The following KLF12 variants were observed in gnomAD, a reference collection of about 807,000 sequenced individuals.
KLF12 encodes Krueppel-like factor 12.
In KLF12, 9 loss-of-function variants were observed where a neutral mutation model predicts 37.8. That is an observed-to-expected ratio of 0.24 (90% confidence interval 0.14 to 0.42). The LOEUF is 0.42. KLF12 is among the 10% of genes least tolerant of loss of function. The pLI is 1.00. For missense variants in KLF12, 411 were observed against 516.0 expected (o/e 0.80, Z 1.97); for synonymous variants, 208 against 202.1 (o/e 1.03, Z -0.25).
At chr13:74,150,140 A>G in the KLF12 span, among the ~76,000 whole-genome samples, 3 of 150,348 alleles carry the variant, frequency 2.0e-5, no homozygotes, top group Admixed American at 6.6e-5. Context: ...TTTTTTTTCT[A>G]TTTCACTGAT....
chr13:73,951,584 A>C (rs2139410942), intron 2 of KLF12, among the ~76,000 whole-genome samples: 1 of 152,292 alleles, frequency 6.6e-6, no homozygotes, highest in Middle Eastern at 3.4e-3. Context: ...CTGATATATC[A>C]AGAGACCAAG....
At chr13:73,717,358 T>G (rs751212761) in intron 6 of KLF12, among the ~76,000 whole-genome samples, 1 of 152,194 alleles carries the variant, frequency 6.6e-6, no homozygotes, top group South Asian at 2.1e-4. Context: ...GTCCTTGAGC[T>G]GTAGCTTGCC....
At chr13:73,749,210 C>T (rs1287025701) in intron 6 of KLF12, among the ~76,000 whole-genome samples, 2 of 152,066 alleles carry the variant, frequency 1.3e-5, no homozygotes, top group African/African-American at 4.8e-5. Flanking sequence ...CACAATGCCA[C>T]TTAAAATTCA....
At chr13:74,242,609 G>A in the KLF12 span, among the ~76,000 whole-genome samples, 121 of 152,288 alleles carry the variant, frequency 7.9e-4, no homozygotes, top group African/African-American at 2.8e-3. Context: ...CAACACACAC[G>A]TGTTTATATG....
chr13:73,741,830 C>T (rs1878008182), intron 6 of KLF12, among the ~76,000 whole-genome samples: 1 of 152,204 alleles, frequency 6.6e-6, no homozygotes, highest in Admixed American at 6.5e-5. Flanking sequence ...AATTGTGAGA[C>T]TGGTTGCTCA....
At chr13:74,134,681 G>A (rs1013719399), upstream of KLF12, among the ~76,000 whole-genome samples, 1 of 152,090 alleles carries the variant, frequency 6.6e-6, no homozygotes, top group Admixed American at 6.5e-5. Flanking sequence ...GCCCGCGGGG[G>A]CTTGCGGCGG....
the KLF12 span, among the ~76,000 whole-genome samples, chr13:74,290,553 G>C: frequency 1.3e-5 from 2 of 152,148 alleles, no homozygotes; most frequent in African/African-American, 4.8e-5. Flanking sequence ...GCACACAGAG[G>C]AACCGCCAAT....
chr13:73,833,749 G>A (rs1372429001), intron 4 of KLF12, among the ~76,000 whole-genome samples: 3 of 152,166 alleles, frequency 2.0e-5, no homozygotes, highest in Admixed American at 6.5e-5. Flanking sequence ...CACGCAACAT[G>A]GCTGGGACGT....
the KLF12 span, among the ~76,000 whole-genome samples, chr13:74,278,691 TCTC>T: frequency 2.0e-5 from 3 of 152,210 alleles, no homozygotes; most frequent in Non-Finnish European, 4.4e-5. Flanking sequence ...CGCTGCCTTT[TCTC>T]ACCTTTTCCT....
At chr13:74,043,334 TTCATAATAGCTTGATC>T (rs1186646041) in intron 1 of KLF12, among the ~76,000 whole-genome samples, 1 of 152,208 alleles carries the variant, frequency 6.6e-6, no homozygotes, top group Non-Finnish European at 1.5e-5. Flanking sequence ...ACAAAGATAA[TTCATAATAGCTTGATC>T]TAAGGCCATT....
chr13:73,774,283 TACAC>T (rs71704208), intron 5 of KLF12, among the ~76,000 whole-genome samples: 403 of 145,326 alleles, frequency 2.8e-3, no homozygotes, highest in Middle Eastern at 0.011. Context: ...TATATATATA[TACAC>T]ACACACACAC....
At chr13:73,994,834 A>G (rs956691258) in intron 2 of KLF12, among the ~76,000 whole-genome samples, 156 bp downstream of exon 2, 1 of 152,214 alleles carries the variant, frequency 6.6e-6, no homozygotes, top group Non-Finnish European at 1.5e-5. Flanking sequence ...AGGGGCTAAA[A>G]GGAAAAATTA....
chr13:73,741,747 C>T (rs1347708710), intron 6 of KLF12, among the ~76,000 whole-genome samples: 2 of 152,168 alleles, frequency 1.3e-5, no homozygotes, highest in Admixed American at 1.3e-4. Context: ...TAACAAGTTA[C>T]TGCTCTTATC....
chr13:74,044,281 TA>T (rs1042520809), intron 1 of KLF12, among the ~76,000 whole-genome samples: 2 of 151,034 alleles, frequency 1.3e-5, no homozygotes, highest in African/African-American at 4.9e-5. Context: ...AATGGGATAA[TA>T]AAAATGCCTG....
At chr13:74,010,190 T>G (rs1892514461) in intron 1 of KLF12, among the ~76,000 whole-genome samples, 1 of 151,910 alleles carries the variant, frequency 6.6e-6, no homozygotes, top group Non-Finnish European at 1.5e-5. Flanking sequence ...TGATCCACCC[T>G]CTTCAACCAC....
intron 4 of KLF12, among the ~76,000 whole-genome samples, chr13:73,842,720 T>C (rs1884803711): frequency 6.6e-6 from 1 of 152,228 alleles, no homozygotes; most frequent in African/African-American, 2.4e-5. Flanking sequence ...AAATCCAACT[T>C]CCCTATCGTA....
intron 1 of KLF12, among the ~76,000 whole-genome samples, chr13:74,011,736 A>G (rs1892556568): frequency 6.6e-6 from 1 of 152,240 alleles, no homozygotes; most frequent in Non-Finnish European, 1.5e-5. Flanking sequence ...CACATAGGTT[A>G]TATACAAACA....
intron 6 of KLF12, among the ~76,000 whole-genome samples, chr13:73,722,124 T>C (rs913030061): frequency 4.6e-5 from 7 of 152,168 alleles, no homozygotes; most frequent in South Asian, 2.1e-4. Context: ...AAATAAGACA[T>C]TGAACATCAC....
chr13:73,742,029 A>G (rs115912970), intron 6 of KLF12, among the ~76,000 whole-genome samples: 114,373 of 151,696 alleles, frequency 0.75, 44,774 homozygotes, highest in South Asian at 0.87. Flanking sequence ...AAGAGGCTGA[A>G]AAAGCCTACG....
Sources: allele counts gnomAD v4.1 joint callset (sites outside exome capture counted in the v4.1 genomes callset), GRCh38; gene constraint gnomAD v4.1.1; transcripts MANE v1.5; gene names NCBI Gene and HGNC (gene_info 2026-07-23, HGNC 2026-07-21).